The following SYNPR variants were observed in gnomAD, a reference collection of about 807,000 sequenced individuals.
The protein encoded by SYNPR is synaptoporin.
SYNPR carries 23 observed loss-of-function variants against 32.9 expected under a neutral mutation model. That is an observed-to-expected ratio of 0.70 (90% CI 0.50 to 0.99). The LOEUF is 0.99. SYNPR is among the 50% of genes least tolerant of loss of function. The pLI, the probability that SYNPR is intolerant of heterozygous loss-of-function variation, is 0.00. For missense variants in SYNPR, 318 were observed against 349.3 expected, an observed-to-expected ratio of 0.91 and a Z score of 0.71; for synonymous variants, 146 against 135.9, an observed-to-expected ratio of 1.07 and a Z score of -0.52.
At chr3:63,304,971 C>A (rs148686196) in intron 2 of SYNPR, among the ~76,000 whole-genome samples, 30 of 152,012 alleles carry the variant, frequency 2.0e-4, no homozygotes, top group African/African-American at 6.7e-4. Flanking sequence ...TATATTCTGT[C>A]GGAGCCTCAG....
intron 2 of SYNPR, among the ~76,000 whole-genome samples, chr3:63,293,799 G>GTGTT (rs1349017770): frequency 6.6e-6 from 1 of 152,086 alleles, no homozygotes; most frequent in Non-Finnish European, 1.5e-5. Context: ...GTGTGTGTGT[G>GTGTT]TGTGCCTAAA....
chr3:63,405,198 AT>A (rs1455545821), intron 2 of SYNPR, among the ~76,000 whole-genome samples: 1 of 152,144 alleles, frequency 6.6e-6, no homozygotes, highest in Non-Finnish European at 1.5e-5. Context: ...GGTAGACTCA[AT>A]TTCTCTCTGT....
At chr3:63,565,011 A>G (rs1033795078) in intron 4 of SYNPR, among the ~76,000 whole-genome samples, 2 of 152,156 alleles carry the variant, frequency 1.3e-5, no homozygotes, top group Admixed American at 1.3e-4. Flanking sequence ...CTTACATTCC[A>G]GGGAATTCCT....
chr3:63,587,695 T>C (rs1183418315), intron 4 of SYNPR, among the ~76,000 whole-genome samples: 1 of 152,104 alleles, frequency 6.6e-6, no homozygotes, highest in African/African-American at 2.4e-5. Flanking sequence ...AATTTATTTA[T>C]TGATTATTGT....
At chr3:63,586,654 A>ATGTGTGTGTGTGTGTGTGTGTGTGTG (rs10530383) in intron 4 of SYNPR, among the ~76,000 whole-genome samples, 2 of 143,632 alleles carry the variant, frequency 1.4e-5, no homozygotes, top group East Asian at 4.1e-4. Flanking sequence ...TGCAGATTCA[A>ATGTGTGTGTGTGTGTGTGTGTGTGTG]TGTGTGTGTG....
chr3:63,370,132 G>A (rs1026578050), intron 2 of SYNPR, among the ~76,000 whole-genome samples: 4 of 152,120 alleles, frequency 2.6e-5, no homozygotes, highest in Non-Finnish European at 5.9e-5. Flanking sequence ...CAGCTAGACA[G>A]CTGGAGGAGA....
chr3:63,254,162 G>A (rs942968242), intron 2 of SYNPR, among the ~76,000 whole-genome samples: 10 of 152,070 alleles, frequency 6.6e-5, no homozygotes, highest in Non-Finnish European at 1.2e-4. Flanking sequence ...ACACCGGGGC[G>A]TGTTGTGGGG....
At chr3:63,203,064 A>ATGTGTG in the SYNPR span, among the ~76,000 whole-genome samples, 149 of 42,848 alleles carry the variant, frequency 3.5e-3, 7 homozygotes, top group East Asian at 0.012. Context: ...ATATATATGT[A>ATGTGTG]TGTGTATATA....
intron 4 of SYNPR, among the ~76,000 whole-genome samples, chr3:63,576,992 G>T (rs1702993877): frequency 6.6e-6 from 1 of 152,020 alleles, no homozygotes; most frequent in Non-Finnish European, 1.5e-5. Context: ...GGCTGAACCA[G>T]TTTTTAATCT....
intron 2 of SYNPR, among the ~76,000 whole-genome samples, chr3:63,394,393 G>C (rs1480473135): frequency 1.3e-5 from 2 of 152,070 alleles, no homozygotes; most frequent in African/African-American, 4.8e-5. Context: ...CTCTTCCAAG[G>C]GATTATTACT....
At chr3:63,602,336 A>AGTTTAACT (rs1233699737) in intron 4 of SYNPR, among the ~76,000 whole-genome samples, 7 of 139,304 alleles carry the variant, frequency 5.0e-5, no homozygotes, top group African/African-American at 1.9e-4. Flanking sequence ...CTGTCCAAAA[A>AGTTTAACT]AAGCTCTTTA....
intron 2 of SYNPR, among the ~76,000 whole-genome samples, chr3:63,397,901 T>C (rs2088237843): frequency 6.6e-6 from 1 of 152,220 alleles, no homozygotes; most frequent in Non-Finnish European, 1.5e-5. Flanking sequence ...AAAAGTGACA[T>C]TGAGACAAGT....
At chr3:63,240,750 T>G (rs1575573353) in intron 1 of SYNPR, among the ~76,000 whole-genome samples, 2 of 152,076 alleles carry the variant, frequency 1.3e-5, no homozygotes, top group Non-Finnish European at 2.9e-5. Flanking sequence ...CGCATACTCT[T>G]TGTGTGAGTG....
At chr3:63,231,145 A>G (rs2086163749) in intron 1 of SYNPR, among the ~76,000 whole-genome samples, 1 of 152,320 alleles carries the variant, frequency 6.6e-6, no homozygotes, top group South Asian at 2.1e-4. Flanking sequence ...GTATATGTAT[A>G]CCATGGAATA....
rs60059498 is a variant in SYNPR, at chr3:63,595,754, TA to T, written c.409-13370del. Among the ~76,000 whole-genome samples the T allele has an allele frequency of 3.3e-3, 109 of 32,812 alleles. 4 individuals carry two copies. In the Middle Eastern group the frequency reaches 0.038, roughly 12 times the overall value. 21.5% of individuals were successfully genotyped at this position (32,812 alleles called of 152,430 possible). ...ATATATATATATATATATATATATA[TA>T]TATATATATATATAATTTTATATAT... On this transcript the variant is annotated intron_variant, in intron 4 of 5. Transcript: ENST00000478300.
intron 2 of SYNPR, among the ~76,000 whole-genome samples, chr3:63,344,333 G>A (rs1320568485): frequency 1.3e-5 from 2 of 152,150 alleles, no homozygotes; most frequent in Non-Finnish European, 2.9e-5. Context: ...CAGCCCTAGA[G>A]CTCACAAGTC....
intron 3 of SYNPR, among the ~76,000 whole-genome samples, chr3:63,537,744 A>T (rs1268676365): frequency 6.6e-6 from 1 of 152,148 alleles, no homozygotes; most frequent in Admixed American, 6.6e-5. Flanking sequence ...AATTCAAATT[A>T]CCTGTGGAAA....
At chr3:63,349,930 C>T (rs2087484028) in intron 2 of SYNPR, among the ~76,000 whole-genome samples, 1 of 152,064 alleles carries the variant, frequency 6.6e-6, no homozygotes, top group South Asian at 2.1e-4. Context: ...ATAAGGTAAT[C>T]CACTGAGTTG....
At chr3:63,503,124 G>A (rs1372695564) in intron 3 of SYNPR, among the ~76,000 whole-genome samples, 2 of 152,000 alleles carry the variant, frequency 1.3e-5, no homozygotes, top group African/African-American at 2.4e-5. Flanking sequence ...CAGTGTTCTG[G>A]ATTTTTGCCA....
Sources: allele counts gnomAD v4.1 joint callset (sites outside exome capture counted in the v4.1 genomes callset), GRCh38; gene constraint gnomAD v4.1.1; transcripts MANE v1.5; gene names NCBI Gene and HGNC (gene_info 2026-07-23, HGNC 2026-07-21).